The following IFT122 variants were observed in gnomAD, a reference collection of about 807,000 sequenced individuals.
IFT122 encodes the protein intraflagellar transport protein 122 homolog.
Under a neutral mutation model 161.6 loss-of-function variants are expected in IFT122, and 118 were observed. The ratio of observed to expected loss-of-function variants is 0.73; its 90% CI spans 0.63 to 0.85. IFT122 has a LOEUF of 0.85. Among genes scored for constraint, IFT122 ranks in the 40% least tolerant of loss-of-function variants. IFT122 has a pLI of 0.00. For missense variants in IFT122, 1,381 were observed against 1,579.6 expected (o/e 0.87, Z 2.13); for synonymous variants, 550 against 602.4 (o/e 0.91, Z 1.27).
chr3:129,514,910 C>G (rs1350204576), intron 25 of IFT122: 4 of 423,402 alleles, frequency 9.4e-6, no homozygotes, highest in Non-Finnish European at 1.8e-5. Context: ...AAACCTCTGC[C>G]CTTTCTGGAA....
At chr3:129,489,934 G>A (rs1258246388) in intron 16 of IFT122, among the ~76,000 whole-genome samples, 1 of 151,828 alleles carries the variant, frequency 6.6e-6, no homozygotes, top group Non-Finnish European at 1.5e-5. Flanking sequence ...CAGCAGGGAG[G>A]GAGACGACAA....
Position 129,495,602 on chromosome 3 carries a change from G to C in IFT122, c.2203G>C (p.Ala735Pro). Residue 735 changes from alanine (A) to proline (P), a missense_variant, in exon 18 of 30, where the codon GCC becomes CCC. Physicochemically the swap from Ala to Pro is conservative, Grantham distance 27 (BLOSUM62 -1). Coordinates refer to ENST00000348417, the MANE Select transcript of IFT122 (RefSeq NM_052989.3). ...MYTDLCMFEYAKDFLGSGDPK... is the reference protein window; with the variant it reads ...MYTDLCMFEYPKDFLGSGDPK... ...CACCGACCTCTGCATGTTTGAGTAT[G>C]CCAAGGTAACCTACCCTGTCCCAGG... 1 of 1,614,176 alleles carries C rather than the reference G, an allele frequency of 6.2e-7. No homozygotes were observed. Among genetic ancestry groups the C allele is most frequent in the South Asian group, 1.1e-5 (1 of 91,086 alleles).
chr3:129,483,716 G>T, intron 15 of IFT122, 34 bp downstream of exon 15: 1 of 1,552,778 alleles, frequency 6.4e-7, no homozygotes, highest in Non-Finnish European at 8.7e-7. Flanking sequence ...CTTAGCACTG[G>T]CAAGGCTGAC....
intron 5 of IFT122, among the ~76,000 whole-genome samples, chr3:129,462,449 G>C (rs1361063484): frequency 6.6e-6 from 1 of 152,206 alleles, no homozygotes; most frequent in Admixed American, 6.5e-5. Flanking sequence ...TGATGAAAAA[G>C]AGGTAGAGGT....
intron 15 of IFT122, among the ~76,000 whole-genome samples, chr3:129,486,749 A>G (rs1386349502): frequency 6.6e-6 from 1 of 152,208 alleles, no homozygotes. Flanking sequence ...CCAGTGCTTC[A>G]TTATTTTTGG....
chr3:129,490,952 C>T (rs2080009499), intron 16 of IFT122, among the ~76,000 whole-genome samples: 1 of 152,210 alleles, frequency 6.6e-6, no homozygotes, highest in Non-Finnish European at 1.5e-5. Context: ...TCAGACCATT[C>T]ATCCGTGTTC....
chr3:129,464,750 C>T lies in IFT122; in HGVS notation c.532C>T (p.Pro178Ser). The change falls in exon 7 of 30, where the codon CCA becomes TCA. Residue 178 changes from proline to serine, a missense_variant. By Grantham distance (74) the Pro-to-Ser change is moderately conservative (BLOSUM62 -1). Around this residue, in one of 7 missense-constraint regions of IFT122, gnomAD observed 544 missense variants for 648.0 expected, o/e 0.84. Transcript: ENST00000348417. ...KIERPGGSLS[P>S]IWSICWNPSS... The stretch of plus-strand genomic sequence containing the variant: ...CGAGCGGCCGGGGGGCTCCCTCTCG[C>T]CAATATGGTCCATCTGCTGGAACCC... The T allele has an allele frequency of 6.2e-7, 1 of 1,614,070 alleles. No individual in the cohort carries two copies. Among genetic ancestry groups the T allele is most frequent in the Non-Finnish European group, 8.5e-7 (1 of 1,180,002 alleles).
chr3:129,514,547 A>G lies in IFT122; in HGVS notation c.3146A>G (p.Asp1049Gly), dbSNP rs770760201. 6.2e-7 allele frequency: 1 copy of G among 1,614,152 alleles called. No homozygotes were observed. The highest frequency in any genetic ancestry group is 8.5e-7 in the Non-Finnish European group (1 of 1,180,034). The change falls in exon 25 of 30, where the codon GAC (aspartate) becomes GGC (glycine). Residue 1049 changes from aspartate to glycine, a missense_variant. Asp to Gly is a moderately conservative substitution (Grantham distance 94, BLOSUM62 -1). Coordinates refer to ENST00000348417, the MANE Select transcript of IFT122 (RefSeq NM_052989.3). ...TLTIRAKPFH[D>G]SEELVPLCYR... ...ACCATCCGCGCCAAGCCCTTCCACGACAGTGAGGTGAGGATGCAGCACCCT... is the reference window on the plus strand; with the variant it reads ...ACCATCCGCGCCAAGCCCTTCCACGGCAGTGAGGTGAGGATGCAGCACCCT...
chr3:129,459,596 C>T (rs1306511995), intron 4 of IFT122: 1 of 151,828 alleles, frequency 6.6e-6, no homozygotes, highest in African/African-American at 2.5e-5. Flanking sequence ...CACCAATTTT[C>T]CTTCCTTCCT....
intron 24 of IFT122, chr3:129,513,988 C>T (rs572607922): frequency 8.9e-5 from 32 of 361,012 alleles, no homozygotes; most frequent in Non-Finnish European, 1.4e-4. Flanking sequence ...GGTGGCTCCC[C>T]AGGGAGTCTG....
chr3:129,451,822 T>C (rs2074893770), intron 2 of IFT122, 92 bp from the exon 3 acceptor site: 2 of 1,032,454 alleles, frequency 1.9e-6, no homozygotes, highest in African/African-American at 1.6e-5. Context: ...TTGACACGTA[T>C]TGTTATAAAA....
At chr3:129,495,997 C>T (rs993825920) in intron 18 of IFT122, among the ~76,000 whole-genome samples, 4 of 152,230 alleles carry the variant, frequency 2.6e-5, no homozygotes, top group Admixed American at 6.5e-5. Flanking sequence ...CCGGTCCTGC[C>T]GATCATGCAG....
At chr3:129,488,026 G>A (rs777172396) in intron 15 of IFT122, 8 of 623,140 alleles carry the variant, frequency 1.3e-5, no homozygotes, top group Non-Finnish European at 2.0e-5. Flanking sequence ...AGGGGAGGAT[G>A]GGCAGAGAGT....
chr3:129,515,286 T>C (rs1478803890), intron 25 of IFT122: 2 of 632,052 alleles, frequency 3.2e-6, no homozygotes, highest in African/African-American at 3.7e-5. Flanking sequence ...GGGACCCAAG[T>C]GACAGGGCTT....
chr3:129,507,297 A>G (rs967838559), intron 22 of IFT122, among the ~76,000 whole-genome samples: 1 of 152,242 alleles, frequency 6.6e-6, no homozygotes, highest in African/African-American at 2.4e-5. Context: ...TAAGATGAGC[A>G]TGAATACAGT....
intron 13 of IFT122, 89 bp downstream of exon 13, chr3:129,480,011 CAG>C: frequency 2.0e-6 from 3 of 1,530,218 alleles, no homozygotes; most frequent in Non-Finnish European, 2.7e-6. Context: ...GCTGGGTTCT[CAG>C]GGCAGGAAAA....
intron 1 of IFT122, among the ~76,000 whole-genome samples, chr3:129,445,457 A>G (rs1388736702): frequency 6.6e-6 from 1 of 152,258 alleles, no homozygotes; most frequent in Non-Finnish European, 1.5e-5. Context: ...CATCTGTGAA[A>G]CAGGTATACA....
In IFT122 at chr3:129,504,372, G is replaced by T; in HGVS notation, c.2601G>T (p.Pro867=). 2 of 1,614,094 alleles carry T rather than the reference G, an allele frequency of 1.2e-6. No homozygotes were observed. The highest frequency in any genetic ancestry group is 1.1e-5 in the South Asian group (1 of 91,078). ...AGTTTAAGGATGACATCTACATGCC[G>T]TATGCTCAGTGGCTAGCAGAGAACG... ...HPEFKDDIYM[P]YAQWLAENDR... Residue 867 remains proline, a synonymous_variant, in exon 21 of 30, where the codon CCG becomes CCT. Transcript: ENST00000348417.
rs1007969614 is a variant in IFT122, at chr3:129,495,435, A to G, written c.2047-11A>G. The G allele has an allele frequency of 4.3e-6, 7 of 1,613,866 alleles. No individual in the cohort carries two copies. The Admixed American group carries it at 5.0e-5, about 12-fold the overall frequency. ...TGCAGAGGCCATTTCCTTTGCTTCT[A>G]ATTTTTCCAGGAGAGGAAGAAGCGG... is the stretch of plus-strand genomic sequence containing the variant. On this transcript the variant is annotated splice_polypyrimidine_tract_variant and intron_variant, in intron 17 of 29. Coordinates refer to ENST00000348417, the MANE Select transcript of IFT122 (RefSeq NM_052989.3).
Sources: allele counts gnomAD v4.1 joint callset (sites outside exome capture counted in the v4.1 genomes callset), GRCh38; gene constraint gnomAD v4.1.1; regional missense constraint gnomAD v4.1.1; transcripts MANE v1.5; gene names NCBI Gene and HGNC (gene_info 2026-07-23, HGNC 2026-07-21).